Variants in DHX57 observed in about 807,000 individuals in gnomAD.
The protein encoded by DHX57 is putative ATP-dependent RNA helicase DHX57.
In DHX57, 105 loss-of-function variants were observed where a neutral mutation model predicts 156.2. The ratio of observed to expected loss-of-function variants is 0.67; its 90% CI spans 0.57 to 0.79. The LOEUF is 0.79. Ranked by LOEUF, DHX57 falls within the 30% of genes least tolerant of loss-of-function variation. The pLI is 0.00. For synonymous variants in DHX57, 704 were observed against 595.6 expected, an observed-to-expected ratio of 1.18 and a Z score of -2.65; for missense variants, 1,847 against 1,661.9, an observed-to-expected ratio of 1.11 and a Z score of -1.94.
chr2:38,847,096 T>C (rs1672328450), intron 10 of DHX57, 23 bp from the exon 11 acceptor site: 3 of 1,604,514 alleles, frequency 1.9e-6, no homozygotes, highest in Non-Finnish European at 1.7e-6. Flanking sequence ...GGAGACAAAA[T>C]AGAAAGCCTG....
At chr2:38,856,712 G>C in intron 6 of DHX57, 1 of 285,314 alleles carries the variant, frequency 3.5e-6, no homozygotes, top group Non-Finnish European at 6.4e-6. Flanking sequence ...ATGTTGCCCA[G>C]GCTGGCCTCA....
rs1671178453 is a variant in DHX57, at chr2:38,827,775, G to A, written c.2639+565C>T. Among the ~76,000 whole-genome samples the A allele has an allele frequency of 1.3e-5, 2 of 151,866 alleles. 1 individual carries two copies. The highest frequency in any genetic ancestry group is 4.2e-4 in the South Asian group (2 of 4,816). Reference sequence around the variant, plus strand: ...GTAGGACTTCTTTGTTGTTACTAATGCTGCCTTTCCCCCACCTTCCCCCAC... The same window carrying A: ...GTAGGACTTCTTTGTTGTTACTAATACTGCCTTTCCCCCACCTTCCCCCAC... On this transcript the variant is annotated intron_variant, in intron 14 of 23. Transcript: ENST00000457308.
intron 19 of DHX57, among the ~76,000 whole-genome samples, chr2:38,818,322 C>G (rs188839046): frequency 2.0e-5 from 3 of 152,184 alleles, no homozygotes; most frequent in African/African-American, 7.2e-5. Context: ...GTCAGGAGTT[C>G]CAGAGCAGCC....
At position 38,798,299 on chromosome 2, in the gene DHX57, T is replaced by C. The variant is rs1480780419; in HGVS notation, c.4161A>G (p.Ter1387=). The change falls in exon 24 of 24, where the codon TAA becomes TAG. Residue 1387 remains the stop codon, a stop_retained_variant. Coordinates refer to ENST00000457308, the MANE Select transcript of DHX57 (RefSeq NM_198963.3). Reference sequence around the variant, plus strand: ...AGCAAGCACTCTCTAAGACTGCTTTTTATTGTGTGGTGACAAGTTTCACAA... The same window carrying C: ...AGCAAGCACTCTCTAAGACTGCTTTCTATTGTGTGGTGACAAGTTTCACAA... ...STIVKLVTTQ[*] is the part of the protein sequence containing the mutation. 2.5e-6 allele frequency: 4 copies of C among 1,611,868 alleles called. No homozygotes were observed. The highest frequency in any genetic ancestry group is 3.4e-6 in the Non-Finnish European group (4 of 1,179,296).
chr2:38,869,468 T>C (rs983718428), intron 1 of DHX57, among the ~76,000 whole-genome samples: 2 of 152,242 alleles, frequency 1.3e-5, no homozygotes, highest in South Asian at 4.1e-4. Context: ...AGAATGAGTA[T>C]TAAACTGGGA....
chr2:38,861,150 T>C lies in DHX57; in HGVS notation c.1260A>G (p.Glu420=), dbSNP rs1233212301. 6.2e-7 allele frequency: 1 copy of C among 1,614,186 alleles called. No homozygotes were observed. Among genetic ancestry groups the C allele is most frequent in the East Asian group, 2.2e-5 (1 of 44,880 alleles). The change falls in exon 5 of 24, where the codon GAA becomes GAG. Residue 420 remains glutamate (E), a synonymous_variant. Transcript: ENST00000457308. ...GGGTATTCGTTAGTAACTTGACTATTTCCGACTCTTCCTCTAAAAGGGTTA... is the reference window on the plus strand; with the variant it reads ...GGGTATTCGTTAGTAACTTGACTATCTCCGACTCTTCCTCTAAAAGGGTTA... ...SLITLLEEES[E]IVKLLTNTHH... is the part of the protein sequence containing the mutation.
rs530363768 is a variant in DHX57 at position 38,810,821 on chromosome 2, C to T, written c.3681+3000G>A. The T allele has an allele frequency of 4.6e-5, 34 of 745,118 alleles. 1 individual carries two copies. Among genetic ancestry groups the T allele is most frequent in the South Asian group, 4.0e-4 (30 of 74,600 alleles). The allele number at this position is 745,118 out of a possible 1,614,324, so 46.2% of individuals were successfully genotyped here. The stretch of plus-strand genomic sequence containing the variant: ...TGAGGGTGGTAAAGGATGGTGCCTG[C>T]TGGGGTCTTGCAGATACCTCAGGAC... On this transcript the variant is annotated intron_variant, in intron 21 of 23. Transcript: ENST00000457308.
chr2:38,867,796 G>T (rs1045199542), intron 2 of DHX57, among the ~76,000 whole-genome samples: 1 of 152,092 alleles, frequency 6.6e-6, no homozygotes, highest in African/African-American at 2.4e-5. Context: ...GACCTCAAGC[G>T]ATCCACACAC....
At chr2:38,822,351 G>A (rs1188730975) in intron 17 of DHX57, among the ~76,000 whole-genome samples, 2 of 152,022 alleles carry the variant, frequency 1.3e-5, no homozygotes, top group African/African-American at 2.4e-5. Flanking sequence ...AAAGAGCTGG[G>A]ATTACAGGCG....
chr2:38,823,314 G>A (rs373915604), intron 16 of DHX57, 45 bp from the exon 17 acceptor site: 17 of 1,559,574 alleles, frequency 1.1e-5, no homozygotes, highest in Admixed American at 1.7e-5. Context: ...TATTTCTGGT[G>A]GGATGACACA....
chr2:38,802,828 C>T lies in DHX57; in HGVS notation c.3904G>A (p.Val1302Met), dbSNP rs1420741272. Residue 1302 changes from valine (V) to methionine (M), a missense_variant, in exon 23 of 24, where the codon GTG becomes ATG. Transcript: ENST00000457308. ...VFIRDCSMVS[V>M]YPLVLFGGGQ... is the part of the protein sequence containing the mutation. ...CCTCCAAACAAGACCAGCGGGTACA[C>T]AGACACCATGCTGCAGTCTCGGATG... 2 of 1,614,062 alleles carry T rather than the reference C, an allele frequency of 1.2e-6. No individual in the cohort carries two copies. Among genetic ancestry groups the T allele is most frequent in the Non-Finnish European group, 8.5e-7 (1 of 1,180,040 alleles).
chr2:38,804,871 C>G (rs1456150593), intron 22 of DHX57, among the ~76,000 whole-genome samples: 1 of 152,200 alleles, frequency 6.6e-6, no homozygotes, highest in African/African-American at 2.4e-5. Flanking sequence ...TGCAGGGCCC[C>G]TCTCCTGTCA....
At chr2:38,818,992 C>T (rs762870735) in intron 18 of DHX57, 32 bp from the exon 19 acceptor site, 3 of 1,613,818 alleles carry the variant, frequency 1.9e-6, no homozygotes, top group African/African-American at 2.7e-5. Flanking sequence ...ACTGAACTTA[C>T]TCAGTCTTCA....
At chr2:38,865,289 G>C (rs1437600524) in intron 2 of DHX57, among the ~76,000 whole-genome samples, 1 of 152,154 alleles carries the variant, frequency 6.6e-6, no homozygotes, top group Non-Finnish European at 1.5e-5. Context: ...CATGGGGGCA[G>C]TCTCCCCCAT....
intron 19 of DHX57, among the ~76,000 whole-genome samples, chr2:38,816,496 A>G (rs756162080): frequency 2.6e-5 from 4 of 152,034 alleles, no homozygotes; most frequent in Non-Finnish European, 4.4e-5. Flanking sequence ...GATTACAGGC[A>G]TGAGCCACCA....
chr2:38,858,431 C>G (rs539472722), intron 6 of DHX57, among the ~76,000 whole-genome samples: 1 of 151,938 alleles, frequency 6.6e-6, no homozygotes, highest in Non-Finnish European at 1.5e-5. Flanking sequence ...GCACATGACT[C>G]TGAGACTATT....
intron 16 of DHX57, among the ~76,000 whole-genome samples, chr2:38,824,092 T>C (rs1207418662): frequency 1.3e-5 from 2 of 152,024 alleles, no homozygotes; most frequent in African/African-American, 4.8e-5. Flanking sequence ...ATACCCAAGA[T>C]GTGGAAACAA....
intron 19 of DHX57, among the ~76,000 whole-genome samples, chr2:38,817,305 A>AATTTATTT (rs111925273): frequency 1.3e-5 from 2 of 151,682 alleles, no homozygotes; most frequent in African/African-American, 4.8e-5. Context: ...ACCACTTTGG[A>AATTTATTT]ATTTATTTAT....
chr2:38,799,050 C>G (rs1572605413), intron 23 of DHX57, among the ~76,000 whole-genome samples: 1 of 151,992 alleles, frequency 6.6e-6, no homozygotes, highest in East Asian at 1.9e-4. Flanking sequence ...CGAGGAGAAG[C>G]AGGAAAATGG....
Sources: gnomAD v4.1 joint callset for allele counts (sites outside exome capture counted in the v4.1 genomes callset) on GRCh38, gnomAD v4.1.1 for gene constraint, MANE v1.5 for transcripts, NCBI Gene and HGNC (gene_info 2026-07-23, HGNC 2026-07-21) for gene names.